The following CSMD1 variants were observed in gnomAD, a reference collection of about 807,000 sequenced individuals.
CSMD1 encodes the protein CUB and Sushi multiple domains 1, also known as CUB and sushi domain-containing protein 1.
CSMD1 carries 213 observed loss-of-function variants against 417.5 expected under a neutral mutation model. The observed-to-expected ratio is 0.51, with a 90% confidence interval of 0.46 to 0.57. The LOEUF is 0.57. CSMD1 is among the 20% of genes least tolerant of loss of function. The probability of loss-of-function intolerance (pLI) is 0.00; values close to 1 mark genes in which losing one functional copy is unlikely to be tolerated. For missense variants in CSMD1, 6,923 were observed against 4,529.7 expected (o/e 1.53, Z -15.17); for synonymous variants, 2,862 against 1,736.8 (o/e 1.65, Z -16.11).
chr8:4,364,031 A>C (rs1012122065), intron 3 of CSMD1, among the ~76,000 whole-genome samples: 4 of 152,178 alleles, frequency 2.6e-5, no homozygotes, highest in Non-Finnish European at 5.9e-5. Flanking sequence ...TACTTATTTC[A>C]ATAACTAAGA....
chr8:3,843,951 T>A (rs1803309001), intron 5 of CSMD1, among the ~76,000 whole-genome samples: 1 of 152,118 alleles, frequency 6.6e-6, no homozygotes, highest in Admixed American at 6.6e-5. Context: ...CTGAGAACAA[T>A]GATGAGGAAC....
At chr8:4,281,603 T>G (rs1354351007) in intron 3 of CSMD1, among the ~76,000 whole-genome samples, 5 of 152,314 alleles carry the variant, frequency 3.3e-5, no homozygotes, top group Non-Finnish European at 4.4e-5. Context: ...GAAGTATGTA[T>G]AGCCAAAAGT....
intron 2 of CSMD1, among the ~76,000 whole-genome samples, chr8:4,491,854 C>T (rs1259203589): frequency 6.6e-6 from 1 of 152,140 alleles, no homozygotes; most frequent in Non-Finnish European, 1.5e-5. Context: ...TACGATCCAG[C>T]AACTGTCCTC....
chr8:3,856,502 A>G (rs771150950), intron 5 of CSMD1, among the ~76,000 whole-genome samples: 102 of 152,190 alleles, frequency 6.7e-4, no homozygotes, highest in Non-Finnish European at 1.3e-3. Context: ...GGAGAACTGC[A>G]TGAGGATCAA....
rs551107457 is a variant in CSMD1 at position 4,315,284 on chromosome 8, A to T, written c.415+104669T>A. Among the ~76,000 whole-genome samples, 4 of 152,286 alleles carry T rather than the reference A, an allele frequency of 2.6e-5. No homozygotes were observed. The South Asian group carries it at 8.3e-4, about 32-fold the overall frequency. On this transcript the variant is annotated intron_variant, in intron 3 of 69. Transcript: ENST00000635120. Reference sequence around the variant, plus strand: ...TAGGGTTTATGAAAACTGAGACAGTATGCGAGGAGACCCTTTTACCCTAAG... The same window carrying T: ...TAGGGTTTATGAAAACTGAGACAGTTTGCGAGGAGACCCTTTTACCCTAAG...
At chr8:3,185,869 T>C (rs746709977) in intron 36 of CSMD1, among the ~76,000 whole-genome samples, 11 of 152,198 alleles carry the variant, frequency 7.2e-5, no homozygotes, top group Non-Finnish European at 1.5e-4. Context: ...TACTTAAAAA[T>C]GAGCAACACA....
chr8:3,971,330 C>A lies in CSMD1; in HGVS notation c.818+26573G>T, dbSNP rs147685479. ...CTGAGTTTCCAGTGGCTGCAGCTGC[C>A]GGTTCACATGTGTTCTCTTTCTGTA... On this transcript the variant is annotated intron_variant, in intron 5 of 69. Transcript: ENST00000635120. 8.2e-4 allele frequency among the ~76,000 whole-genome samples: 125 copies of A among 152,222 alleles called. 1 individual carries two copies. The highest frequency in any genetic ancestry group is 2.3e-3 in the Admixed American group (35 of 15,284).
intron 3 of CSMD1, among the ~76,000 whole-genome samples, chr8:4,304,210 G>C (rs911582092): frequency 2.0e-5 from 3 of 152,134 alleles, no homozygotes; most frequent in Non-Finnish European, 2.9e-5. Context: ...GATGAAAAGA[G>C]ATTTAAAGCT....
intron 51 of CSMD1, among the ~76,000 whole-genome samples, chr8:3,022,515 T>G (rs1211006242): frequency 6.6e-6 from 1 of 152,232 alleles, no homozygotes; most frequent in Non-Finnish European, 1.5e-5. Flanking sequence ...AATTCTATGA[T>G]TATATTCACG....
intron 2 of CSMD1, among the ~76,000 whole-genome samples, chr8:4,445,684 CT>C (rs1798742897): frequency 6.6e-6 from 1 of 152,182 alleles, no homozygotes; most frequent in Non-Finnish European, 1.5e-5. Flanking sequence ...TACATTGTCA[CT>C]TTCCCACAAC....
At chr8:4,792,280 A>C (rs1464181167) in intron 1 of CSMD1, among the ~76,000 whole-genome samples, 1 of 152,234 alleles carries the variant, frequency 6.6e-6, no homozygotes, top group Middle Eastern at 3.4e-3. Context: ...TCCTAACTAC[A>C]CCCCTATAAA....
At chr8:4,173,026 AG>A (rs1409403181) in intron 3 of CSMD1, among the ~76,000 whole-genome samples, 3 of 152,168 alleles carry the variant, frequency 2.0e-5, no homozygotes, top group African/African-American at 7.2e-5. Context: ...TTGGTATTTT[AG>A]CCCCTAATAT....
intron 3 of CSMD1, among the ~76,000 whole-genome samples, chr8:4,158,319 A>T (rs1415248540): frequency 2.0e-5 from 3 of 152,102 alleles, no homozygotes; most frequent in Non-Finnish European, 4.4e-5. Context: ...GGAAGGATGC[A>T]ATCATCTCTA....
At chr8:3,776,762 A>C (rs2129061261) in intron 5 of CSMD1, among the ~76,000 whole-genome samples, 1 of 143,364 alleles carries the variant, frequency 7.0e-6, no homozygotes, top group South Asian at 2.2e-4. Flanking sequence ...GAAAAAAGAT[A>C]CAGAGATGAT....
chr8:3,628,425 C>T (rs1245193280), intron 7 of CSMD1, among the ~76,000 whole-genome samples: 1 of 152,208 alleles, frequency 6.6e-6, no homozygotes, highest in Non-Finnish European at 1.5e-5. Flanking sequence ...TAGGGCAAGG[C>T]TTCCATTAAC....
At chr8:4,960,017 T>C (rs1403117500) in intron 1 of CSMD1, among the ~76,000 whole-genome samples, 1 of 152,200 alleles carries the variant, frequency 6.6e-6, no homozygotes, top group Non-Finnish European at 1.5e-5. Context: ...GGATGCAATT[T>C]CAACAAGGCA....
At chr8:3,546,416 G>A (rs145392733) in intron 10 of CSMD1, among the ~76,000 whole-genome samples, 7,174 of 151,908 alleles carry the variant, frequency 0.047, 485 homozygotes, top group African/African-American at 0.15. Flanking sequence ...TATTCCTGTA[G>A]TCCCAGCTAC....
intron 18 of CSMD1, among the ~76,000 whole-genome samples, chr8:3,384,954 AATATATAAT>A (rs1180087514): frequency 2.4e-5 from 2 of 83,838 alleles, no homozygotes; most frequent in Non-Finnish European, 2.2e-5. Flanking sequence ...ATGCATATAT[AATATATAAT>A]ATATATGCAT....
At chr8:3,274,921 C>T (rs1334004429) in intron 26 of CSMD1, among the ~76,000 whole-genome samples, 28 of 152,054 alleles carry the variant, frequency 1.8e-4, no homozygotes, top group Admixed American at 1.8e-3. Flanking sequence ...GCATTTAGTC[C>T]ATTTACATTT....
Sources: gnomAD v4.1 joint callset for allele counts (sites outside exome capture counted in the v4.1 genomes callset) on GRCh38, gnomAD v4.1.1 for gene constraint, MANE v1.5 for transcripts, NCBI Gene and HGNC (gene_info 2026-07-23, HGNC 2026-07-21) for gene names.